Variants in LRP8 observed in about 807,000 individuals in gnomAD.
The protein encoded by LRP8 is low-density lipoprotein receptor-related protein 8.
Under a neutral mutation model 111.6 loss-of-function variants are expected in LRP8, and 46 were observed. That is an observed-to-expected ratio of 0.41 (90% CI 0.33 to 0.53). The LOEUF (loss-of-function observed/expected upper bound fraction) is 0.53, where lower values mean the gene tolerates loss of function less well. LRP8 is among the 20% of genes least tolerant of loss of function. The pLI, the probability that LRP8 is intolerant of heterozygous loss-of-function variation, is 0.20. For synonymous variants in LRP8, 464 were observed against 511.2 expected, an observed-to-expected ratio of 0.91 and a Z score of 1.24; for missense variants, 959 against 1,297.4, an observed-to-expected ratio of 0.74 and a Z score of 4.01.
At chr1:53,285,253 A>G (rs2100445875) in intron 3 of LRP8, among the ~76,000 whole-genome samples, 1 of 152,282 alleles carries the variant, frequency 6.6e-6, no homozygotes, top group South Asian at 2.1e-4. Flanking sequence ...CCACTGCACA[A>G]GAGAATCAAG....
At chr1:53,320,854 C>T (rs980392801) in intron 2 of LRP8, among the ~76,000 whole-genome samples, 3 of 152,200 alleles carry the variant, frequency 2.0e-5, no homozygotes, top group East Asian at 1.9e-4. Context: ...GGGTAGACAG[C>T]GCTCAGCGGG....
chr1:53,309,723 G>A (rs962439301), intron 2 of LRP8, among the ~76,000 whole-genome samples: 2 of 152,144 alleles, frequency 1.3e-5, no homozygotes, highest in Non-Finnish European at 2.9e-5. Flanking sequence ...GTCAGGCTCC[G>A]GGGATGAGAT....
intron 14 of LRP8, 54 bp from the exon 15 acceptor site, chr1:53,257,518 G>GT (rs1646145535): frequency 6.4e-6 from 9 of 1,405,136 alleles, no homozygotes; most frequent in Non-Finnish European, 9.0e-6. Context: ...GTTGCCTAAG[G>GT]TATTGCCTCT....
rs533249280 is a variant in LRP8 at position 53,282,510 on chromosome 1, C to T, written c.368-1795G>A. On this transcript the variant is annotated intron_variant, in intron 3 of 18. Coordinates refer to ENST00000306052, the MANE Select transcript of LRP8 (RefSeq NM_004631.5). ...TGGGGTCCTTCCAGGGTACCTCTAT[C>T]ACCAACACTGCAGGACCCCAGGTAA... Among the ~76,000 whole-genome samples, 42 of 152,222 alleles carry T rather than the reference C, an allele frequency of 2.8e-4. 1 individual carries two copies. The South Asian group carries it at 8.7e-3, about 32-fold the overall frequency.
intron 2 of LRP8, among the ~76,000 whole-genome samples, chr1:53,320,136 C>T (rs1654313444): frequency 6.6e-6 from 1 of 152,272 alleles, no homozygotes; most frequent in South Asian, 2.1e-4. Context: ...TAGCTCGCTC[C>T]CTAACTCTTC....
At chr1:53,311,987 C>T (rs1653087677) in intron 2 of LRP8, among the ~76,000 whole-genome samples, 1 of 152,244 alleles carries the variant, frequency 6.6e-6, no homozygotes, top group Admixed American at 6.5e-5. Context: ...GCCAGCGCCT[C>T]CAGCTTCTTT....
chr1:53,289,526 A>G, intron 3 of LRP8, 41 bp downstream of exon 3: 4 of 1,562,558 alleles, frequency 2.6e-6, no homozygotes, highest in Non-Finnish European at 3.5e-6. Context: ...TGAGGAGGAA[A>G]CTGAGGCCCA....
At chr1:53,301,817 C>A (rs1239121002) in intron 2 of LRP8, among the ~76,000 whole-genome samples, 1 of 151,904 alleles carries the variant, frequency 6.6e-6, no homozygotes, top group African/African-American at 2.4e-5. Context: ...GAATGCTGTG[C>A]AAGCAAAGGA....
In LRP8 at chr1:53,276,916, G is replaced by GCGC. The variant is rs1364742936; in HGVS notation, c.656_658dup (p.Gly219dup). ...GCAGACCCAGCGCTCCGGGATGCAG[G>GCGC]CGCCGCCGCCATCGCCGCCGCAGCG... On this transcript the variant is annotated inframe_insertion, in exon 5 of 19. Transcript: ENST00000306052. 14 of 1,436,992 alleles carry GCGC rather than the reference G, an allele frequency of 9.7e-6. No individual in the cohort carries two copies. The highest frequency in any genetic ancestry group is 1.0e-5 in the Non-Finnish European group (11 of 1,097,448). 89.0% of individuals were successfully genotyped at this position (1,436,992 alleles called of 1,614,324 possible).
At chr1:53,264,638 C>T (rs1646483310) in intron 9 of LRP8, among the ~76,000 whole-genome samples, 1 of 152,096 alleles carries the variant, frequency 6.6e-6, no homozygotes, top group Non-Finnish European at 1.5e-5. Context: ...TTAGGGTGAG[C>T]CAGATATAAT....
intron 2 of LRP8, among the ~76,000 whole-genome samples, chr1:53,312,741 A>C (rs1232352077): frequency 6.6e-6 from 1 of 152,136 alleles, no homozygotes; most frequent in Non-Finnish European, 1.5e-5. Flanking sequence ...GGGACCTGAG[A>C]GAGCAGTGGC....
chr1:53,272,607 T>C, intron 6 of LRP8: 1 of 1,289,872 alleles, frequency 7.8e-7, no homozygotes, highest in Non-Finnish European at 1.0e-6. Flanking sequence ...CCTTTACCCC[T>C]GGGCCTCCTC....
rs186083770 is a variant in LRP8, at chr1:53,281,365, A to G, written c.368-650T>C. Among the ~76,000 whole-genome samples the G allele has an allele frequency of 8.5e-5, 13 of 152,350 alleles. No homozygotes were observed. In the East Asian group the frequency reaches 2.3e-3, roughly 27 times the overall value. ...CCTGAAGCCCCAGGGTTGAATCTCA[A>G]TTTGGAAGGAAGAATGAGAACCCTA... On this transcript the variant is annotated intron_variant, in intron 3 of 18. Transcript: ENST00000306052.
rs1358496897 is a variant in LRP8, at chr1:53,257,283, G to A, written c.2391C>T (p.Ser797=). The A allele has an allele frequency of 1.9e-6, 3 of 1,614,058 alleles. No homozygotes were observed. The East Asian group carries it at 6.7e-5, about 36-fold the overall frequency. ...SVSVPRAPSI[S]PSTLSPATSN... is the part of the protein sequence containing the mutation. ...TGGTTGCAGGGCTTAGGGTAGACGGGCTGATGCTGGGAGCCCTGGGGACAC... is the reference window on the plus strand; with the variant it reads ...TGGTTGCAGGGCTTAGGGTAGACGGACTGATGCTGGGAGCCCTGGGGACAC... The change falls in exon 15 of 19, where the codon AGC becomes AGT. Residue 797 remains serine (S), a synonymous_variant. Coordinates refer to ENST00000306052, the MANE Select transcript of LRP8 (RefSeq NM_004631.5).
chr1:53,263,301 A>C (rs1221573303), intron 10 of LRP8, among the ~76,000 whole-genome samples: 1 of 152,236 alleles, frequency 6.6e-6, no homozygotes, highest in Non-Finnish European at 1.5e-5. Context: ...AGTGAATGGC[A>C]GCTATCAGTC....
chr1:53,261,629 A>T (rs549523384), intron 12 of LRP8, among the ~76,000 whole-genome samples: 76 of 152,206 alleles, frequency 5.0e-4, no homozygotes, highest in Non-Finnish European at 8.4e-4. Context: ...ATTCACTTCT[A>T]TGACCCCAGG....
intron 2 of LRP8, among the ~76,000 whole-genome samples, chr1:53,290,381 GAGA>G (rs1462292926): frequency 1.3e-5 from 2 of 152,244 alleles, no homozygotes; most frequent in Admixed American, 1.3e-4. Context: ...ATATAATAGG[GAGA>G]AGAAGACAAA....
intron 8 of LRP8, 139 bp downstream of exon 8, chr1:53,270,889 G>A (rs181601050): frequency 4.2e-5 from 52 of 1,242,460 alleles, no homozygotes; most frequent in Admixed American, 2.4e-4. Context: ...ACAAGGGACC[G>A]AGGATTCCCG....
intron 2 of LRP8, among the ~76,000 whole-genome samples, chr1:53,307,010 T>TA (rs1251574770): frequency 1.3e-5 from 2 of 152,190 alleles, no homozygotes; most frequent in African/African-American, 2.4e-5. Context: ...GCAGCCCTGA[T>TA]ATCTCCTCCT....
Sources: allele counts gnomAD v4.1 joint callset (sites outside exome capture counted in the v4.1 genomes callset), GRCh38; gene constraint gnomAD v4.1.1; transcripts MANE v1.5; gene names NCBI Gene and HGNC (gene_info 2026-07-23, HGNC 2026-07-21).